The following PROSER1 variants were observed in gnomAD, a reference collection of about 807,000 sequenced individuals.
The protein encoded by PROSER1 is proline and serine rich 1.
PROSER1 carries 36 observed loss-of-function variants against 71.8 expected under a neutral mutation model. The ratio of observed to expected loss-of-function variants is 0.50; its 90% confidence interval spans 0.38 to 0.66. PROSER1 has a LOEUF of 0.66. Ranked by LOEUF, PROSER1 falls within the 30% of genes least tolerant of loss-of-function variation. The pLI is 0.00. For missense variants in PROSER1, 1,107 were observed against 1,135.0 expected (o/e 0.98, Z 0.35); for synonymous variants, 490 against 452.4 (o/e 1.08, Z -1.06).
rs200457664 is a variant in PROSER1, at chr13:39,013,800, G to A, written c.1452C>T (p.Ile484=). The change falls in exon 11 of 13, where the codon ATC becomes ATT. Residue 484 remains isoleucine, a synonymous_variant. Transcript: ENST00000352251. ...CAGCAGAGGATAAAGCAGAGGAGTTGATTAAATTGGTGTCATTGGATGTCA... is the reference window on the plus strand; with the variant it reads ...CAGCAGAGGATAAAGCAGAGGAGTTAATTAAATTGGTGTCATTGGATGTCA... ...GFLTSNDTNL[I]NSSALSSAVT... is the part of the protein sequence containing the mutation. 2.5e-6 allele frequency: 4 copies of A among 1,614,090 alleles called. No homozygotes were observed. Among genetic ancestry groups the A allele is most frequent in the Admixed American group, 3.3e-5 (2 of 60,000 alleles).
intron 9 of PROSER1, among the ~76,000 whole-genome samples, chr13:39,018,827 A>G (rs1870145110): frequency 6.6e-6 from 1 of 152,178 alleles, no homozygotes; most frequent in East Asian, 1.9e-4. Context: ...TAAGCTTTAA[A>G]GACTTGAGTT....
intron 5 of PROSER1, 103 bp from the exon 6 acceptor site, chr13:39,026,490 C>T (rs1870552982): frequency 7.6e-6 from 5 of 657,150 alleles, no homozygotes; most frequent in Non-Finnish European, 1.3e-5. Context: ...AAGAACAGCA[C>T]TACATTCAAT....
intron 10 of PROSER1, among the ~76,000 whole-genome samples, 158 bp from the exon 11 acceptor site, chr13:39,014,634 T>C (rs1271650704): frequency 6.6e-6 from 1 of 152,194 alleles, no homozygotes; most frequent in African/African-American, 2.4e-5. Context: ...CTGGGTTCCA[T>C]TTCTCAGATC....
intron 6 of PROSER1, among the ~76,000 whole-genome samples, chr13:39,024,917 T>C (rs1359929360): frequency 1.3e-5 from 2 of 152,200 alleles, no homozygotes; most frequent in African/African-American, 4.8e-5. Context: ...TATTTGCATA[T>C]AACCTGAACA....
chr13:39,031,288 G>T (rs76600198), intron 3 of PROSER1, among the ~76,000 whole-genome samples: 1 of 152,180 alleles, frequency 6.6e-6, no homozygotes, highest in African/African-American at 2.4e-5. Flanking sequence ...TTAAAAAACA[G>T]AAGTGCAAAA....
chr13:39,037,185 T>G lies in PROSER1; in HGVS notation c.45+13A>C. 2 of 1,565,094 alleles carry G rather than the reference T, an allele frequency of 1.3e-6. No homozygotes were observed. Among genetic ancestry groups the G allele is most frequent in the Non-Finnish European group, 1.8e-6 (2 of 1,135,340 alleles). Reference sequence around the variant, plus strand: ...TCATCTCATAAAATAATTCATGGAATCGGTCTAATTACCTTTCTAATTTCA... The same window carrying G: ...TCATCTCATAAAATAATTCATGGAAGCGGTCTAATTACCTTTCTAATTTCA... On this transcript the variant is annotated intron_variant, in intron 1 of 12. Coordinates refer to ENST00000352251, the MANE Select transcript of PROSER1 (RefSeq NM_025138.5).
At chr13:39,030,002 T>G (rs1593539930) in intron 3 of PROSER1, among the ~76,000 whole-genome samples, 2 of 152,164 alleles carry the variant, frequency 1.3e-5, no homozygotes, top group Non-Finnish European at 2.9e-5. Flanking sequence ...TTTGGCCAAT[T>G]TGGACATTTA....
rs1454336603 is a variant in PROSER1 at position 39,009,949 on chromosome 13, T to G, written c.*1416A>C. The stretch of plus-strand genomic sequence containing the variant: ...AACTGGTATCAGATTAAACTATAGC[T>G]TACATTCTGTGTTTAAAGACATAAA... On this transcript the variant is annotated 3_prime_UTR_variant, in exon 13 of 13. Transcript: ENST00000352251. 2.0e-5 allele frequency: 3 copies of G among 152,666 alleles called. No homozygotes were observed. The highest frequency in any genetic ancestry group is 7.2e-5 in the African/African-American group (3 of 41,474). 9.5% of individuals were successfully genotyped at this position (152,666 alleles called of 1,614,324 possible). A position where few individuals can be genotyped will look rare whatever the true frequency, so the allele number is the denominator to read the frequency against.
chr13:39,018,585 A>T (rs546665362), intron 9 of PROSER1, among the ~76,000 whole-genome samples: 5 of 152,132 alleles, frequency 3.3e-5, no homozygotes, highest in Non-Finnish European at 7.4e-5. Context: ...AATGGAAAGA[A>T]TAATAAAGAT....
At chr13:39,026,188 A>C (rs912371204) in intron 6 of PROSER1, 89 bp downstream of exon 6, 8 of 808,466 alleles carry the variant, frequency 9.9e-6, no homozygotes, top group Non-Finnish European at 1.4e-5. Context: ...ACCGACATAA[A>C]ATTCCTTTCC....
Position 39,013,404 on chromosome 13 carries a change from G to A in PROSER1, c.1848C>T (p.Pro616=), listed in dbSNP as rs1419460409. The change falls in exon 11 of 13, where the codon CCC becomes CCT. Residue 616 remains proline (P), a synonymous_variant. Transcript: ENST00000352251. The part of the protein sequence containing the change: ...MIKTEPTSPT[P]SAFKGPSHSG... The stretch of plus-strand genomic sequence containing the variant: ...AATGAGATGGACCTTTGAAGGCCGA[G>A]GGAGTAGGACTTGTGGGCTCAGTTT... 3.1e-6 allele frequency: 5 copies of A among 1,614,164 alleles called. No homozygotes were observed. Among genetic ancestry groups the A allele is most frequent in the Admixed American group, 1.7e-5 (1 of 60,026 alleles).
At chr13:39,019,117 C>T (rs1870158345) in intron 9 of PROSER1, among the ~76,000 whole-genome samples, 1 of 151,898 alleles carries the variant, frequency 6.6e-6, no homozygotes, top group Admixed American at 6.6e-5. Context: ...ACAGAAGAAA[C>T]AGTAACAAGT....
chr13:39,023,065 T>C lies in PROSER1; in HGVS notation c.630A>G (p.Ala210=), dbSNP rs1001094070. The C allele has an allele frequency of 4.3e-6, 7 of 1,612,258 alleles. No individual in the cohort carries two copies. Among genetic ancestry groups the C allele is most frequent in the Non-Finnish European group, 5.9e-6 (7 of 1,178,504 alleles). ...GGAACTCCTTACTTGGTGCAATAGTTGCATGTGGTCGGCATGGAGGTATCG... is the reference window on the plus strand; with the variant it reads ...GGAACTCCTTACTTGGTGCAATAGTCGCATGTGGTCGGCATGGAGGTATCG... ...PYPIPPCRPH[A]TIAPSAYNNA... Residue 210 remains alanine, a synonymous_variant, in exon 8 of 13, where the codon GCA becomes GCG. Coordinates refer to ENST00000352251, the MANE Select transcript of PROSER1 (RefSeq NM_025138.5).
rs200475947 is a variant in PROSER1 at position 39,012,769 on chromosome 13, G to A, written c.2483C>T (p.Pro828Leu). The A allele has an allele frequency of 6.2e-7, 1 of 1,613,958 alleles. No individual in the cohort carries two copies. The highest frequency in any genetic ancestry group is 2.2e-5 in the East Asian group (1 of 44,874). The change falls in exon 11 of 13, where the codon CCA becomes CTA. Residue 828 changes from proline (P) to leucine (L), a missense_variant. Pro to Leu is a moderately conservative substitution (Grantham distance 98). Transcript: ENST00000352251. Reference sequence around the variant, plus strand: ...TCCTGGGAGGACTGGAGCTGGGGATGGGGCTGTGGCAGCCACAGGTAGTGG... The same window carrying A: ...TCCTGGGAGGACTGGAGCTGGGGATAGGGCTGTGGCAGCCACAGGTAGTGG... ...VTPLPVAATA[P>L]SPAPVLPGFA...
At chr13:39,025,356 T>C (rs1593536189) in intron 6 of PROSER1, among the ~76,000 whole-genome samples, 2 of 152,054 alleles carry the variant, frequency 1.3e-5, no homozygotes, top group South Asian at 4.1e-4. Flanking sequence ...TCCCAAGATG[T>C]CCCCCACTGA....
chr13:39,017,475 T>A, intron 10 of PROSER1, 25 bp downstream of exon 10: 1 of 1,446,942 alleles, frequency 6.9e-7, no homozygotes, highest in Non-Finnish European at 9.6e-7. Flanking sequence ...ATATCCGTTA[T>A]CTCTGGATCA....
chr13:39,012,189 C>A lies in PROSER1; in HGVS notation c.2606G>T (p.Gly869Val). 6.2e-7 allele frequency: 1 copy of A among 1,614,052 alleles called. No homozygotes were observed. Among genetic ancestry groups the A allele is most frequent in the Non-Finnish European group, 8.5e-7 (1 of 1,179,986 alleles). Reference sequence around the variant, plus strand: ...AGGGATACCCGGGAGGGACAAAAGGCCTGGAAAAACAGAACTGCCTGCAGC... The same window carrying A: ...AGGGATACCCGGGAGGGACAAAAGGACTGGAAAAACAGAACTGCCTGCAGC... ...LQAAGSSVFPGLLSLPGIPGF... is the reference protein window; with the variant it reads ...LQAAGSSVFPVLLSLPGIPGF... Residue 869 changes from glycine (G) to valine (V), a missense_variant, in exon 12 of 13, where the codon GGC becomes GTC. Gly to Val is a moderately radical substitution (Grantham distance 109). Transcript: ENST00000352251.
At chr13:39,020,273 C>T (rs538978857) in intron 9 of PROSER1, among the ~76,000 whole-genome samples, 70 of 152,040 alleles carry the variant, frequency 4.6e-4, no homozygotes, top group Admixed American at 7.9e-4. Flanking sequence ...ACCAGCTTGA[C>T]GTGATATAAA....
chr13:39,031,240 T>A (rs993383429), intron 3 of PROSER1, among the ~76,000 whole-genome samples: 2 of 152,164 alleles, frequency 1.3e-5, no homozygotes, highest in African/African-American at 4.8e-5. Flanking sequence ...CAGTAATAAC[T>A]CTTCTAAGAC....
Sources: allele counts gnomAD v4.1 joint callset (sites outside exome capture counted in the v4.1 genomes callset), GRCh38; gene constraint gnomAD v4.1.1; transcripts MANE v1.5; gene names NCBI Gene and HGNC (gene_info 2026-07-23, HGNC 2026-07-21).